Variants in PCDHGA12 observed in about 807,000 individuals in gnomAD.
PCDHGA12 encodes the protein protocadherin gamma-A12.
In PCDHGA12, 43 loss-of-function variants were observed where a neutral mutation model predicts 61.1. The ratio of observed to expected loss-of-function variants is 0.70; its 90% CI spans 0.55 to 0.91. The LOEUF (loss-of-function observed/expected upper bound fraction) is 0.91. Ranked by LOEUF, PCDHGA12 falls within the 40% of genes least tolerant of loss-of-function variation. The pLI is 0.00. For synonymous variants in PCDHGA12, 520 were observed against 542.9 expected (o/e 0.96, Z 0.59); for missense variants, 1,236 against 1,227.7 (o/e 1.01, Z -0.10).
At chr5:141,433,828 ACT>A (rs1431945413) in intron 1 of PCDHGA12, among the ~76,000 whole-genome samples, 2 of 142,254 alleles carry the variant, frequency 1.4e-5, no homozygotes, top group Admixed American at 7.0e-5. Flanking sequence ...CAAGAGTGAA[ACT>A]CTATCTCAAA....
rs1340147578 is a variant in PCDHGA12, at chr5:141,487,141, T to C, written c.2425-7666T>C. On this transcript the variant is annotated intron_variant, in intron 1 of 3. Transcript: ENST00000252085. This position sits in a 1 kb window ranked among gnomAD's most constrained non-coding sequence, Gnocchi z 5.0. ...AGGATAGTGGTAGTCCACCACTCTCTACCTCTGTTACTCTCTTAGTGTCCT... is the reference window on the plus strand; with the variant it reads ...AGGATAGTGGTAGTCCACCACTCTCCACCTCTGTTACTCTCTTAGTGTCCT... The C allele has an allele frequency of 1.2e-6, 2 of 1,613,882 alleles. No individual in the cohort carries two copies. Among genetic ancestry groups the C allele is most frequent in the African/African-American group, 2.7e-5 (2 of 74,934 alleles).
At position 141,486,883 on chromosome 5, in the gene PCDHGA12, C is replaced by G. The variant is rs1234866888; in HGVS notation, c.2425-7924C>G. The G allele has an allele frequency of 1.2e-6, 2 of 1,614,214 alleles. No individual in the cohort carries two copies. ...CTCCAGCTGTGCTCCGTCCTCGGGC[C>G]CGGCCTGGTTCCTTATGTCCCCAAG... On this transcript the variant is annotated intron_variant, in intron 1 of 3. Coordinates refer to ENST00000252085, the MANE Select transcript of PCDHGA12 (RefSeq NM_003735.3). The surrounding 1 kb of genome is among the most constrained non-coding windows in gnomAD (Gnocchi z 5.0).
In PCDHGA12 at chr5:141,476,789, T is replaced by A. The variant is rs762462741; in HGVS notation, c.2425-18018T>A. On this transcript the variant is annotated intron_variant, in intron 1 of 3. Coordinates refer to ENST00000252085, the MANE Select transcript of PCDHGA12 (RefSeq NM_003735.3). The surrounding 1 kb of genome is among the most constrained non-coding windows in gnomAD (Gnocchi z 7.6). ...GTTGGACGGAGGGACCCCAGCTCTCTCCGCCAGCCTGCCTATTCACATCAA... is the reference window on the plus strand; with the variant it reads ...GTTGGACGGAGGGACCCCAGCTCTCACCGCCAGCCTGCCTATTCACATCAA... 1.3e-5 allele frequency: 21 copies of A among 1,613,374 alleles called. No individual in the cohort carries two copies. Among genetic ancestry groups the A allele is most frequent in the Non-Finnish European group, 1.7e-5 (20 of 1,180,016 alleles).
chr5:141,447,058 G>A (rs1356080567), intron 1 of PCDHGA12, among the ~76,000 whole-genome samples: 1 of 152,068 alleles, frequency 6.6e-6, no homozygotes, highest in Non-Finnish European at 1.5e-5. Flanking sequence ...ATTAAAATGT[G>A]TCAGGCTGTT....
chr5:141,477,301 C>T lies in PCDHGA12; in HGVS notation c.2425-17506C>T, dbSNP rs756549446. The T allele has an allele frequency of 6.2e-7, 1 of 1,614,160 alleles. No homozygotes were observed. Among genetic ancestry groups the T allele is most frequent in the East Asian group, 2.2e-5 (1 of 44,872 alleles). Reference sequence around the variant, plus strand: ...TGACCTGCGAAGTTCCACCGGGTCTCCCTTTCAGCCTTACTTCTTCCCTCA... The same window carrying T: ...TGACCTGCGAAGTTCCACCGGGTCTTCCTTTCAGCCTTACTTCTTCCCTCA... On this transcript the variant is annotated intron_variant, in intron 1 of 3. Coordinates refer to ENST00000252085, the MANE Select transcript of PCDHGA12 (RefSeq NM_003735.3). The surrounding 1 kb of genome is among the most constrained non-coding windows in gnomAD (Gnocchi z 4.9).
rs200843744 is a variant in PCDHGA12, at chr5:141,491,417, G to C, written c.2425-3390G>C. 18 of 1,613,988 alleles carry C rather than the reference G, an allele frequency of 1.1e-5. No individual in the cohort carries two copies. Among genetic ancestry groups the C allele is most frequent in the Admixed American group, 5.0e-5 (3 of 60,006 alleles). ...CAGGGAAACGCAGACGGGGACGGGGGTGGAGGGCAGTGCTGCAGGCGCCAG... is the reference window on the plus strand; with the variant it reads ...CAGGGAAACGCAGACGGGGACGGGGCTGGAGGGCAGTGCTGCAGGCGCCAG... On this transcript the variant is annotated intron_variant, in intron 1 of 3. Transcript: ENST00000252085. This position sits in a 1 kb window ranked among gnomAD's most constrained non-coding sequence, Gnocchi z 6.9.
In PCDHGA12 at chr5:141,486,047, C is replaced by T. The variant is rs763394605; in HGVS notation, c.2425-8760C>T. Reference sequence around the variant, plus strand: ...TCATACCCCTGATCGTGTAAGAAACCTCTTTAGCCTGCACCCCACTACTGG... The same window carrying T: ...TCATACCCCTGATCGTGTAAGAAACTTCTTTAGCCTGCACCCCACTACTGG... On this transcript the variant is annotated intron_variant, in intron 1 of 3. Transcript: ENST00000252085. The surrounding 1 kb of genome is among the most constrained non-coding windows in gnomAD (Gnocchi z 5.0). 2.5e-6 allele frequency: 4 copies of T among 1,614,054 alleles called. No individual in the cohort carries two copies. The African/African-American group carries it at 5.3e-5, about 22-fold the overall frequency.
intron 1 of PCDHGA12, among the ~76,000 whole-genome samples, chr5:141,454,985 A>G (rs1292477757): frequency 1.3e-5 from 2 of 150,314 alleles, no homozygotes; most frequent in African/African-American, 4.9e-5. Context: ...TTTTTTAAAA[A>G]ATATTTTTAG....
At chr5:141,472,109 A>G (rs1353132107) in intron 1 of PCDHGA12, among the ~76,000 whole-genome samples, 2 of 152,234 alleles carry the variant, frequency 1.3e-5, no homozygotes, top group Non-Finnish European at 2.9e-5. Flanking sequence ...TTTTATACAT[A>G]AAGAAAATAA....
At position 141,494,826 on chromosome 5, in the gene PCDHGA12, A is replaced by C; in HGVS notation, c.2444A>C (p.Asp815Ala). The change falls in exon 2 of 4, where the codon GAC becomes GCC. Residue 815 changes from aspartate to alanine, a missense_variant. Asp to Ala is a moderately radical substitution (Grantham distance 126, BLOSUM62 -2). Transcript: ENST00000252085. The part of the protein sequence containing the change: ...GLIEQAPPNT[D>A]WRFSQAQRPG... ...CCACAGCAAGCCCCGCCCAACACGGACTGGCGTTTCTCTCAGGCCCAGAGA... is the reference window on the plus strand; with the variant it reads ...CCACAGCAAGCCCCGCCCAACACGGCCTGGCGTTTCTCTCAGGCCCAGAGA... 4 of 1,613,960 alleles carry C rather than the reference A, an allele frequency of 2.5e-6. No individual in the cohort carries two copies. Among genetic ancestry groups the C allele is most frequent in the Non-Finnish European group, 3.4e-6 (4 of 1,179,976 alleles).
chr5:141,433,262 T>C (rs2097580507), intron 1 of PCDHGA12, 79 bp downstream of exon 1: 1 of 1,339,318 alleles, frequency 7.5e-7, no homozygotes, highest in Non-Finnish European at 1.0e-6. Context: ...GGTACGATCA[T>C]AGCTCACTGC....
chr5:141,500,618 C>T (rs554274946), intron 2 of PCDHGA12, among the ~76,000 whole-genome samples: 1 of 152,262 alleles, frequency 6.6e-6, no homozygotes, highest in South Asian at 2.1e-4. Flanking sequence ...CCCAGTCATA[C>T]GGTACATTTC....
At chr5:141,482,513 A>C (rs552094845) in intron 1 of PCDHGA12, among the ~76,000 whole-genome samples, 1 of 143,798 alleles carries the variant, frequency 7.0e-6, no homozygotes, top group East Asian at 2.1e-4. Flanking sequence ...CCCAGAGTAC[A>C]GTATGAGACA....
In PCDHGA12 at chr5:141,432,171, T is replaced by C. The variant is rs114326665; in HGVS notation, c.1412T>C (p.Leu471Pro). Residue 471 changes from leucine (L) to proline (P), a missense_variant, in exon 1 of 4, where the codon CTC becomes CCC. By Grantham distance (98) the Leu-to-Pro change is moderately conservative (BLOSUM62 -3). Coordinates refer to ENST00000252085, the MANE Select transcript of PCDHGA12 (RefSeq NM_003735.3). This position sits in a 1 kb window ranked among gnomAD's most constrained non-coding sequence, Gnocchi z 6.0. ...GAGAACAATCCCAGAGGAGTTTCCC[T>C]CGTCTCTGTGACCGCCCACGACCCC... ...IPENNPRGVSLVSVTAHDPDC... is the reference protein window; with the variant it reads ...IPENNPRGVSPVSVTAHDPDC... The C allele has an allele frequency of 4.4e-5, 71 of 1,614,046 alleles. No individual in the cohort carries two copies. In the African/African-American group the frequency reaches 8.5e-4, roughly 19 times the overall value.
chr5:141,485,124 C>T lies in PCDHGA12; in HGVS notation c.2425-9683C>T. The T allele has an allele frequency of 7.2e-7, 1 of 1,390,146 alleles. No individual in the cohort carries two copies. The highest frequency in any genetic ancestry group is 1.0e-6 in the Non-Finnish European group (1 of 990,090). The allele number at this position is 1,390,146 out of a possible 1,614,324, so 86.1% of individuals were successfully genotyped here. ...GCTGCTGTGGCTGTTTGGGGCGGGT[C>T]GGCTTCATCCGCGTCTCAGGAGCAA... On this transcript the variant is annotated intron_variant, in intron 1 of 3. Coordinates refer to ENST00000252085, the MANE Select transcript of PCDHGA12 (RefSeq NM_003735.3). The surrounding 1 kb of genome is among the most constrained non-coding windows in gnomAD (Gnocchi z 5.7).
At position 141,485,683 on chromosome 5, in the gene PCDHGA12, T is replaced by C. The variant is rs2099617681; in HGVS notation, c.2425-9124T>C. ...TGGGGAGCAATTCGATTAGCAGCTA[T>C]AGGCTGAGCTCCAATGAACACTTTG... On this transcript the variant is annotated intron_variant, in intron 1 of 3. Coordinates refer to ENST00000252085, the MANE Select transcript of PCDHGA12 (RefSeq NM_003735.3). This position sits in a 1 kb window ranked among gnomAD's most constrained non-coding sequence, Gnocchi z 5.7. 3.7e-6 allele frequency: 6 copies of C among 1,614,042 alleles called. No individual in the cohort carries two copies. The South Asian group carries it at 4.4e-5, about 12-fold the overall frequency.
At chr5:141,460,912 GTA>G (rs34683754) in intron 1 of PCDHGA12, among the ~76,000 whole-genome samples, 12 of 149,310 alleles carry the variant, frequency 8.0e-5, no homozygotes, top group African/African-American at 7.4e-5. Flanking sequence ...ATTCCATGGT[GTA>G]TATATATATA....
intron 1 of PCDHGA12, among the ~76,000 whole-genome samples, chr5:141,479,036 G>C (rs1202411463): frequency 1.3e-5 from 2 of 152,012 alleles, no homozygotes; most frequent in Non-Finnish European, 2.9e-5. Flanking sequence ...TATACAGATC[G>C]TGTACCTCAT....
rs137901127 is a variant in PCDHGA12 at position 141,436,420 on chromosome 5, A to G, written c.2424+3237A>G. 1.4e-3 allele frequency among the ~76,000 whole-genome samples: 213 copies of G among 152,326 alleles called. 1 individual carries two copies. The highest frequency in any genetic ancestry group is 4.8e-3 in the African/African-American group (199 of 41,594). ...AGTTGTTGAATGAATGGATAAACAA[A>G]TAATGTACTCTGGGGATTACCTGAT... On this transcript the variant is annotated intron_variant, in intron 1 of 3. Coordinates refer to ENST00000252085, the MANE Select transcript of PCDHGA12 (RefSeq NM_003735.3).
Sources: allele counts gnomAD v4.1 joint callset (sites outside exome capture counted in the v4.1 genomes callset), GRCh38; gene constraint gnomAD v4.1.1; non-coding constraint Gnocchi (gnomAD v3.1); transcripts MANE v1.5; gene names NCBI Gene and HGNC (gene_info 2026-07-23, HGNC 2026-07-21).